The following RHOBTB1 variants were observed in gnomAD, a reference collection of about 807,000 sequenced individuals.
The protein encoded by RHOBTB1 is rho-related BTB domain-containing protein 1.
Under a neutral mutation model 71.6 loss-of-function variants are expected in RHOBTB1, and 40 were observed. The observed-to-expected ratio is 0.56, with a 90% confidence interval of 0.43 to 0.73. RHOBTB1 has a LOEUF of 0.73. Among genes scored for constraint, RHOBTB1 ranks in the 30% least tolerant of loss-of-function variants. The pLI is 0.00. For missense variants in RHOBTB1, 797 were observed against 894.0 expected (o/e 0.89, Z 1.38); for synonymous variants, 319 against 334.9 (o/e 0.95, Z 0.52).
chr10:60,903,454 C>G (rs12221173), intron 4 of RHOBTB1, among the ~76,000 whole-genome samples: 1 of 151,774 alleles, frequency 6.6e-6, no homozygotes, highest in African/African-American at 2.4e-5. Flanking sequence ...GGGTACAAAA[C>G]AGAGGTCACG....
chr10:60,893,905 G>T (rs1589218703), intron 4 of RHOBTB1, among the ~76,000 whole-genome samples: 1 of 152,176 alleles, frequency 6.6e-6, no homozygotes, highest in Non-Finnish European at 1.5e-5. Context: ...AGGTTAAAAT[G>T]TGCTGAATGA....
chr10:60,885,966 C>G, intron 7 of RHOBTB1, 146 bp downstream of exon 7: 1 of 691,380 alleles, frequency 1.4e-6, no homozygotes. Flanking sequence ...AGCAATAGCT[C>G]CTTATGATTA....
intron 2 of RHOBTB1, among the ~76,000 whole-genome samples, chr10:60,983,547 C>T (rs766925176): frequency 6.6e-6 from 1 of 151,962 alleles, no homozygotes. Flanking sequence ...CTCTTGGATA[C>T]TTTACTCTTT....
chr10:60,908,161 A>G (rs920268473), intron 4 of RHOBTB1, among the ~76,000 whole-genome samples: 1 of 152,016 alleles, frequency 6.6e-6, no homozygotes, highest in African/African-American at 2.4e-5. Flanking sequence ...ACCACTGACA[A>G]CTCCTCATCC....
At chr10:60,927,330 C>T (rs2083943203) in intron 2 of RHOBTB1, among the ~76,000 whole-genome samples, 1 of 152,070 alleles carries the variant, frequency 6.6e-6, no homozygotes, top group African/African-American at 2.4e-5. Context: ...TTTGGCAACA[C>T]CCTTACAGAC....
At chr10:60,968,459 T>C (rs778022175) in intron 2 of RHOBTB1, among the ~76,000 whole-genome samples, 1 of 152,072 alleles carries the variant, frequency 6.6e-6, no homozygotes, top group Non-Finnish European at 1.5e-5. Context: ...TAGCAGGATA[T>C]CTCTTATGTT....
intron 7 of RHOBTB1, among the ~76,000 whole-genome samples, chr10:60,879,644 C>T (rs1372220175): frequency 9.2e-5 from 14 of 152,012 alleles, no homozygotes; most frequent in Non-Finnish European, 1.5e-4. Context: ...TGTGACTGGC[C>T]GGTTATGAAC....
intron 2 of RHOBTB1, among the ~76,000 whole-genome samples, chr10:60,966,220 ATTTCT>A (rs890409277): frequency 6.6e-6 from 1 of 151,942 alleles, no homozygotes; most frequent in Non-Finnish European, 1.5e-5. Context: ...ATTATGAGTA[ATTTCT>A]TTTCAAGTTT....
intron 2 of RHOBTB1, among the ~76,000 whole-genome samples, chr10:60,940,189 A>T (rs1471566239): frequency 1.3e-5 from 2 of 152,184 alleles, no homozygotes; most frequent in African/African-American, 4.8e-5. Flanking sequence ...ACTAATTAAG[A>T]TTTTAGAGCT....
upstream of RHOBTB1, among the ~76,000 whole-genome samples, chr10:60,948,090 C>T (rs2085295544): frequency 2.0e-5 from 3 of 152,070 alleles, no homozygotes; most frequent in Admixed American, 2.0e-4. Flanking sequence ...TTTTCATTGG[C>T]TTTTTTTGCC....
At chr10:60,938,309 G>A (rs1461019034) in intron 2 of RHOBTB1, among the ~76,000 whole-genome samples, 5 of 152,162 alleles carry the variant, frequency 3.3e-5, no homozygotes, top group Non-Finnish European at 7.4e-5. Flanking sequence ...AGATTTAGAA[G>A]ACTTGGCACT....
At chr10:60,923,972 T>C (rs1010269175) in intron 2 of RHOBTB1, among the ~76,000 whole-genome samples, 1 of 152,128 alleles carries the variant, frequency 6.6e-6, no homozygotes, top group Non-Finnish European at 1.5e-5. Flanking sequence ...TAATATAGTA[T>C]GTGTTCCTGA....
chr10:60,997,320 A>T (rs1453061598), intron 1 of RHOBTB1, among the ~76,000 whole-genome samples: 1 of 152,204 alleles, frequency 6.6e-6, no homozygotes. Flanking sequence ...ATCACCAAAG[A>T]TATTTGTCAA....
chr10:60,947,803 T>C (rs118035270), upstream of RHOBTB1, among the ~76,000 whole-genome samples: 1 of 152,326 alleles, frequency 6.6e-6, no homozygotes, highest in East Asian at 1.9e-4. Flanking sequence ...CATTTGTGTA[T>C]AGGTTTTGTG....
rs1429660754 is a variant in RHOBTB1, at chr10:60,871,248, A to G, written c.*234T>C. On this transcript the variant is annotated 3_prime_UTR_variant, in exon 11 of 11. Transcript: ENST00000337910. Reference sequence around the variant, plus strand: ...AAGCCTCCTAACAAAAAAAATATACATATCAGTTTAAGGAATGCAGTGAGA... The same window carrying G: ...AAGCCTCCTAACAAAAAAAATATACGTATCAGTTTAAGGAATGCAGTGAGA... 2 of 394,616 alleles carry G rather than the reference A, an allele frequency of 5.1e-6. No individual in the cohort carries two copies. The highest frequency in any genetic ancestry group is 8.9e-6 in the Non-Finnish European group (2 of 224,328). The allele number at this position is 394,616 out of a possible 1,614,324, so 24.4% of individuals were successfully genotyped here. A position where few individuals can be genotyped will look rare whatever the true frequency, so the allele number is the denominator to read the frequency against.
intron 2 of RHOBTB1, among the ~76,000 whole-genome samples, chr10:60,974,168 T>A (rs1027898882): frequency 6.6e-6 from 1 of 152,072 alleles, no homozygotes; most frequent in Non-Finnish European, 1.5e-5. Context: ...TTGTCACCCC[T>A]CTTTCCAGCA....
intron 2 of RHOBTB1, among the ~76,000 whole-genome samples, chr10:60,958,485 A>C (rs1386806563): frequency 6.6e-6 from 1 of 152,174 alleles, no homozygotes; most frequent in Non-Finnish European, 1.5e-5. Context: ...TGGAATTGAA[A>C]CACTATATAG....
chr10:60,865,879 T>A (rs942561391), downstream of RHOBTB1, among the ~76,000 whole-genome samples: 10 of 152,206 alleles, frequency 6.6e-5, no homozygotes, highest in African/African-American at 2.4e-4. Flanking sequence ...TCACCCAGGC[T>A]GGAGTGCAGT....
Position 60,886,093 on chromosome 10 carries a change from C to T in RHOBTB1, c.1575+19G>A, listed in dbSNP as rs2081555800. ...ATACATTCATAAAGACACCACTATG[C>T]TTTTAGGAAGGCACGTACCTCACTG... is the stretch of plus-strand genomic sequence containing the variant. On this transcript the variant is annotated intron_variant, in intron 7 of 10. Coordinates refer to ENST00000337910, the MANE Select transcript of RHOBTB1 (RefSeq NM_014836.5). 1 of 1,563,982 alleles carries T rather than the reference C, an allele frequency of 6.4e-7. No homozygotes were observed. Among genetic ancestry groups the T allele is most frequent in the Non-Finnish European group, 8.8e-7 (1 of 1,134,388 alleles).
Sources: gnomAD v4.1 joint callset for allele counts (sites outside exome capture counted in the v4.1 genomes callset) on GRCh38, gnomAD v4.1.1 for gene constraint, MANE v1.5 for transcripts, NCBI Gene and HGNC (gene_info 2026-07-23, HGNC 2026-07-21) for gene names.